The following SLC26A7 variants were observed in gnomAD, a reference collection of about 807,000 sequenced individuals.
SLC26A7 encodes the protein anion exchange transporter.
A neutral mutation model predicts 82.5 loss-of-function variants in SLC26A7; 59 were observed. That is an observed-to-expected ratio of 0.72 (90% CI 0.58 to 0.89). The LOEUF (loss-of-function observed/expected upper bound fraction) is 0.89, where lower values mean the gene tolerates loss of function less well. SLC26A7 is among the 40% of genes least tolerant of loss of function. SLC26A7 has a pLI of 0.00. For synonymous variants in SLC26A7, 271 were observed against 274.3 expected, an observed-to-expected ratio of 0.99 and a Z score of 0.12; for missense variants, 820 against 793.0, an observed-to-expected ratio of 1.03 and a Z score of -0.41.
intron 15 of SLC26A7, among the ~76,000 whole-genome samples, chr8:91,379,899 A>T (rs559240588): frequency 6.6e-6 from 1 of 152,218 alleles, no homozygotes; most frequent in Middle Eastern, 3.4e-3. Context: ...AACTTATAAA[A>T]TGCAGAAAGG....
intron 4 of SLC26A7, 64 bp downstream of exon 4, chr8:91,295,767 G>T: frequency 1.3e-6 from 2 of 1,488,338 alleles, no homozygotes; most frequent in Non-Finnish European, 9.1e-7. Flanking sequence ...GGCAGCTGGT[G>T]TTTTATTTTT....
chr8:91,295,664 CGTT>C lies in SLC26A7; in HGVS notation c.440_442del (p.Val147del). 6.2e-7 allele frequency: 1 copy of C among 1,613,984 alleles called. No individual in the cohort carries two copies. Among genetic ancestry groups the C allele is most frequent in the Non-Finnish European group, 8.5e-7 (1 of 1,179,934 alleles). On this transcript the variant is annotated inframe_deletion, in exon 4 of 19. Transcript: ENST00000276609. ...CCGACTTTGAAATGCAAAGGATCCA[CGTT>C]GCTGCAGCAGTTTCCTTCTTGGGAG...
intron 4 of SLC26A7, among the ~76,000 whole-genome samples, chr8:91,317,684 A>G (rs1812676660): frequency 6.6e-6 from 1 of 152,136 alleles, no homozygotes; most frequent in Non-Finnish European, 1.5e-5. Flanking sequence ...TTGAGGTTTT[A>G]TGCCTACTGG....
At chr8:91,289,089 G>T (rs959454117) in intron 2 of SLC26A7, 47 bp from the exon 3 acceptor site, 1 of 1,206,678 alleles carries the variant, frequency 8.3e-7, no homozygotes, top group South Asian at 1.2e-5. Context: ...AACAGACTGT[G>T]TCTTGGGGTT....
intron 18 of SLC26A7, chr8:91,394,631 C>A: frequency 1.8e-6 from 2 of 1,140,250 alleles, no homozygotes; most frequent in Non-Finnish European, 2.2e-6. Flanking sequence ...TGGTGCCTCG[C>A]AGAGTCATCC....
intron 2 of SLC26A7, among the ~76,000 whole-genome samples, chr8:91,259,655 A>G (rs1028639674): frequency 3.9e-5 from 6 of 152,052 alleles, no homozygotes; most frequent in Admixed American, 3.3e-4. Flanking sequence ...ATTCTAAAGG[A>G]TCATGCTTCT....
intron 11 of SLC26A7, among the ~76,000 whole-genome samples, chr8:91,354,260 A>G (rs1422084792): frequency 6.6e-6 from 1 of 152,148 alleles, no homozygotes; most frequent in Admixed American, 6.6e-5. Context: ...TGGAAAGGGT[A>G]GAGAAGATGT....
intron 3 of SLC26A7, among the ~76,000 whole-genome samples, chr8:91,294,802 G>A (rs1811972018): frequency 6.6e-6 from 1 of 152,124 alleles, no homozygotes; most frequent in Admixed American, 6.5e-5. Flanking sequence ...GGCAATTCTT[G>A]GAAAATAACA....
intron 16 of SLC26A7, among the ~76,000 whole-genome samples, chr8:91,391,509 C>T (rs780374749): frequency 5.3e-5 from 8 of 152,314 alleles, no homozygotes; most frequent in Non-Finnish European, 7.3e-5. Context: ...AACCTTTTCA[C>T]GGTTGGACTT....
At chr8:91,330,676 A>G (rs1398378132) in intron 5 of SLC26A7, among the ~76,000 whole-genome samples, 1 of 152,164 alleles carries the variant, frequency 6.6e-6, no homozygotes, top group Non-Finnish European at 1.5e-5. Flanking sequence ...AAGTTAAGAG[A>G]CATTTTGGAA....
intron 2 of SLC26A7, among the ~76,000 whole-genome samples, chr8:91,267,558 C>T (rs183017566): frequency 1.1e-4 from 17 of 151,824 alleles, no homozygotes; most frequent in Non-Finnish European, 2.5e-4. Context: ...TAGTTGTTCA[C>T]AATAGTCTTT....
intron 11 of SLC26A7, among the ~76,000 whole-genome samples, chr8:91,355,170 T>C (rs969340298): frequency 3.3e-5 from 5 of 152,162 alleles, no homozygotes; most frequent in Non-Finnish European, 7.4e-5. Context: ...TTTGTTGTTA[T>C]TTTAAGTAAG....
In SLC26A7 at chr8:91,395,346, A is replaced by C; in HGVS notation, c.*249A>C. ...GTATGTGTTTAGTTTTAGTGTACTG[A>C]AGGGTAAACATGGTTTTATTTTATT... On this transcript the variant is annotated 3_prime_UTR_variant, in exon 19 of 19. Coordinates refer to ENST00000276609, the MANE Select transcript of SLC26A7 (RefSeq NM_052832.4). The C allele has an allele frequency of 1.3e-6, 1 of 792,914 alleles. No individual in the cohort carries two copies. Among genetic ancestry groups the C allele is most frequent in the Non-Finnish European group, 1.7e-6 (1 of 582,906 alleles). 49.1% of individuals were successfully genotyped at this position (792,914 alleles called of 1,614,324 possible).
upstream of SLC26A7, among the ~76,000 whole-genome samples, chr8:91,247,996 T>C (rs1810570589): frequency 6.6e-6 from 1 of 152,248 alleles, no homozygotes; most frequent in East Asian, 1.9e-4. Flanking sequence ...AAAGTAAAGA[T>C]TGCTTTTTGT....
At chr8:91,274,152 C>T (rs184258469) in intron 2 of SLC26A7, among the ~76,000 whole-genome samples, 1 of 152,236 alleles carries the variant, frequency 6.6e-6, no homozygotes, top group African/African-American at 2.4e-5. Flanking sequence ...AGGGCAGAAT[C>T]TAGTACAAAG....
intron 8 of SLC26A7, among the ~76,000 whole-genome samples, chr8:91,342,113 A>T (rs1317521076): frequency 6.6e-6 from 1 of 150,528 alleles, no homozygotes; most frequent in Non-Finnish European, 1.5e-5. Flanking sequence ...TTCATTTTTT[A>T]AACATGGGGG....
At chr8:91,286,980 T>C (rs1811730261) in intron 2 of SLC26A7, among the ~76,000 whole-genome samples, 9 of 152,208 alleles carry the variant, frequency 5.9e-5, no homozygotes, top group Admixed American at 2.0e-4. Context: ...CAGTACTGTA[T>C]ATCTGAATTA....
chr8:91,366,845 A>G, intron 14 of SLC26A7, 128 bp downstream of exon 14: 1 of 1,048,242 alleles, frequency 9.5e-7, no homozygotes, highest in South Asian at 1.8e-5. Flanking sequence ...AGCAAAACCT[A>G]TGATTATTTG....
In SLC26A7 at chr8:91,279,717, G is replaced by A. The variant is rs566691551; in HGVS notation, c.194-9419G>A. Among the ~76,000 whole-genome samples the A allele has an allele frequency of 6.6e-5, 10 of 152,008 alleles. 1 individual carries two copies. In the East Asian group the frequency reaches 1.7e-3, roughly 27 times the overall value. ...TGGGACTATAGGCGTCCACCACCACGCCCGGCTAATTTTTTGTATTTTTAG... is the reference window on the plus strand; with the variant it reads ...TGGGACTATAGGCGTCCACCACCACACCCGGCTAATTTTTTGTATTTTTAG... On this transcript the variant is annotated intron_variant, in intron 2 of 18. Coordinates refer to ENST00000276609, the MANE Select transcript of SLC26A7 (RefSeq NM_052832.4).
Sources: gnomAD v4.1 joint callset for allele counts (sites outside exome capture counted in the v4.1 genomes callset) on GRCh38, gnomAD v4.1.1 for gene constraint, MANE v1.5 for transcripts, NCBI Gene and HGNC (gene_info 2026-07-23, HGNC 2026-07-21) for gene names.